The following RALGPS2 variants were observed in gnomAD, a reference collection of about 807,000 sequenced individuals.
The protein encoded by RALGPS2 is Ral GEF with PH domain and SH3 binding motif 2.
Under a neutral mutation model 86.8 loss-of-function variants are expected in RALGPS2, and 43 were observed. The observed-to-expected ratio is 0.50, with a 90% CI of 0.39 to 0.64. RALGPS2 has a LOEUF of 0.64. Ranked by LOEUF, RALGPS2 falls within the 30% of genes least tolerant of loss-of-function variation. The probability of loss-of-function intolerance (pLI) is 0.00; values close to 1 mark genes in which losing one functional copy is unlikely to be tolerated. For missense variants in RALGPS2, 536 were observed against 694.6 expected, an observed-to-expected ratio of 0.77 and a Z score of 2.57; for synonymous variants, 243 against 231.3, an observed-to-expected ratio of 1.05 and a Z score of -0.46.
At chr1:178,903,126 C>T (rs1239522786) in intron 18 of RALGPS2, among the ~76,000 whole-genome samples, 1 of 152,086 alleles carries the variant, frequency 6.6e-6, no homozygotes, top group African/African-American at 2.4e-5. Flanking sequence ...AAGATACTTT[C>T]AGCAGTTCAC....
chr1:178,771,241 T>C (rs1010018451), intron 1 of RALGPS2, among the ~76,000 whole-genome samples: 3 of 152,248 alleles, frequency 2.0e-5, no homozygotes, highest in African/African-American at 7.2e-5. Flanking sequence ...TAATATCTCT[T>C]AAAGCATTTA....
At chr1:178,873,255 T>C (rs1290521808) in intron 8 of RALGPS2, among the ~76,000 whole-genome samples, 2 of 152,068 alleles carry the variant, frequency 1.3e-5, no homozygotes, top group Non-Finnish European at 2.9e-5. Flanking sequence ...AAAATTTAAC[T>C]GACAAATTAG....
chr1:178,725,416 A>G lies in RALGPS2; in HGVS notation c.-87A>G, dbSNP rs1450255024. On this transcript the variant is annotated 5_prime_UTR_variant, in exon 1 of 20. Transcript: ENST00000367635. ...CCTCTGAGGCGACGGCCGCGGCTGCACAGGTCGGTGGGCTCAGGCCGCGGG... is the reference window on the plus strand; with the variant it reads ...CCTCTGAGGCGACGGCCGCGGCTGCGCAGGTCGGTGGGCTCAGGCCGCGGG... 1 of 139,384 alleles carries G rather than the reference A, an allele frequency of 7.2e-6. No individual in the cohort carries two copies. The highest frequency in any genetic ancestry group is 7.1e-5 in the Admixed American group (1 of 14,064). 8.6% of individuals were successfully genotyped at this position (139,384 alleles called of 1,614,324 possible).
At chr1:178,883,436 T>C (rs1196209917) in intron 10 of RALGPS2, 30 bp from the exon 11 acceptor site, 1 of 1,486,786 alleles carries the variant, frequency 6.7e-7, no homozygotes, top group South Asian at 1.1e-5. Flanking sequence ...TAATTAATCA[T>C]TGTATGTATT....
intron 4 of RALGPS2, among the ~76,000 whole-genome samples, chr1:178,794,198 C>A (rs1654086941): frequency 6.6e-6 from 1 of 152,118 alleles, no homozygotes; most frequent in Non-Finnish European, 1.5e-5. Flanking sequence ...TTCACTGCAA[C>A]CTCTGCTTCC....
intron 1 of RALGPS2, among the ~76,000 whole-genome samples, chr1:178,733,162 G>T (rs1361278528): frequency 6.6e-6 from 1 of 152,186 alleles, no homozygotes; most frequent in African/African-American, 2.4e-5. Flanking sequence ...GTATGACCCT[G>T]TTGGAGGCAA....
intron 8 of RALGPS2, among the ~76,000 whole-genome samples, chr1:178,856,194 G>GATATATATATATATATAT (rs776840814): frequency 2.6e-4 from 26 of 99,132 alleles, no homozygotes; most frequent in Non-Finnish European, 4.0e-4. Context: ...CTTTTCCAGA[G>GATATATATATATATATAT]AGAGAGAGAT....
chr1:178,734,116 C>T (rs1005205973), intron 1 of RALGPS2, among the ~76,000 whole-genome samples: 2 of 152,110 alleles, frequency 1.3e-5, no homozygotes, highest in Admixed American at 6.5e-5. Context: ...AAAACATGCT[C>T]GACATTATTA....
At chr1:178,862,601 A>T (rs1012484114) in intron 8 of RALGPS2, among the ~76,000 whole-genome samples, 150 of 136,510 alleles carry the variant, frequency 1.1e-3, no homozygotes, top group Non-Finnish European at 2.0e-3. Context: ...TTTTTTATTT[A>T]TTTATTTATT....
chr1:178,727,217 C>T (rs1650070083), intron 1 of RALGPS2, among the ~76,000 whole-genome samples: 1 of 151,654 alleles, frequency 6.6e-6, no homozygotes, highest in African/African-American at 2.4e-5. Context: ...TGCGTTTTTC[C>T]CATTATATTC....
intron 6 of RALGPS2, among the ~76,000 whole-genome samples, chr1:178,813,973 T>A (rs1655111306): frequency 6.6e-6 from 1 of 152,116 alleles, no homozygotes; most frequent in African/African-American, 2.4e-5. Context: ...CAAAAGAATA[T>A]AAGAATATTT....
chr1:178,855,886 A>G (rs1370921036), intron 8 of RALGPS2, among the ~76,000 whole-genome samples: 2 of 150,774 alleles, frequency 1.3e-5, no homozygotes, highest in Non-Finnish European at 3.0e-5. Flanking sequence ...TGAGATGATG[A>G]TAGGGTTTTT....
In RALGPS2 at chr1:178,759,315, T is replaced by C. The variant is rs1489592577; in HGVS notation, c.-83-17367T>C. On this transcript the variant is annotated intron_variant, in intron 1 of 19. Coordinates refer to ENST00000367635, the MANE Select transcript of RALGPS2 (RefSeq NM_152663.5). Reference sequence around the variant, plus strand: ...GATATCTAGTTTTCCCAGCCCTGTTTATTGAAGAGACTGTCCTTTTCCCAT... The same window carrying C: ...GATATCTAGTTTTCCCAGCCCTGTTCATTGAAGAGACTGTCCTTTTCCCAT... Among the ~76,000 whole-genome samples the C allele has an allele frequency of 3.3e-5, 5 of 152,206 alleles. No individual in the cohort carries two copies. The East Asian group carries it at 9.6e-4, about 29-fold the overall frequency.
intron 8 of RALGPS2, among the ~76,000 whole-genome samples, chr1:178,842,756 G>A: frequency 6.7e-6 from 1 of 149,910 alleles, no homozygotes; most frequent in Non-Finnish European, 1.5e-5. Context: ...CTACTCATCT[G>A]ACAAAGGGCT....
chr1:178,830,863 A>G (rs746235213), intron 7 of RALGPS2, among the ~76,000 whole-genome samples: 21 of 152,190 alleles, frequency 1.4e-4, no homozygotes, highest in Non-Finnish European at 2.2e-4. Flanking sequence ...GAATGTGTCC[A>G]ACACAAGAAT....
At chr1:178,810,211 C>G (rs931344795) in intron 5 of RALGPS2, among the ~76,000 whole-genome samples, 1 of 152,012 alleles carries the variant, frequency 6.6e-6, no homozygotes, top group Non-Finnish European at 1.5e-5. Context: ...TGGTGAAACC[C>G]TGTCTCAATT....
intron 4 of RALGPS2, among the ~76,000 whole-genome samples, chr1:178,793,003 C>T (rs1445542412): frequency 1.3e-5 from 2 of 152,158 alleles, no homozygotes; most frequent in Non-Finnish European, 2.9e-5. Flanking sequence ...GCTGCCCCTC[C>T]CCCTTTGTAA....
intron 6 of RALGPS2, among the ~76,000 whole-genome samples, chr1:178,813,499 C>G (rs776539185): frequency 1.3e-5 from 2 of 152,176 alleles, no homozygotes; most frequent in African/African-American, 4.8e-5. Context: ...TATTCTGACT[C>G]TCTGCCTTCT....
intron 8 of RALGPS2, among the ~76,000 whole-genome samples, chr1:178,840,969 A>G (rs1244135996): frequency 6.6e-6 from 1 of 152,220 alleles, no homozygotes. Context: ...GAATCCCTGA[A>G]TAGACCAATA....
Sources: gnomAD v4.1 joint callset for allele counts (sites outside exome capture counted in the v4.1 genomes callset) on GRCh38, gnomAD v4.1.1 for gene constraint, MANE v1.5 for transcripts, NCBI Gene and HGNC (gene_info 2026-07-23, HGNC 2026-07-21) for gene names.